The following ACTR3C variants were observed in gnomAD, a reference collection of about 807,000 sequenced individuals.
ACTR3C encodes actin-related protein 3C.
A neutral mutation model predicts 26.3 loss-of-function variants in ACTR3C; 18 were observed. The observed-to-expected ratio is 0.68, with a 90% CI of 0.47 to 1.01. The LOEUF (loss-of-function observed/expected upper bound fraction) is 1.01, where lower values mean the gene tolerates loss of function less well. ACTR3C is among the 50% of genes least tolerant of loss of function. ACTR3C has a pLI of 0.00. For synonymous variants in ACTR3C, 55 were observed against 94.5 expected (o/e 0.58, Z 2.42); for missense variants, 184 against 250.7 (o/e 0.73, Z 1.80).
chr7:149,994,660 G>C, the ACTR3C span, among the ~76,000 whole-genome samples: 1 of 151,960 alleles, frequency 6.6e-6, no homozygotes, highest in Non-Finnish European at 1.5e-5. Flanking sequence ...AATGTGTAAA[G>C]GCCCATCACC....
At chr7:150,076,008 G>A in the ACTR3C span, among the ~76,000 whole-genome samples, 3 of 152,090 alleles carry the variant, frequency 2.0e-5, no homozygotes, top group South Asian at 2.1e-4. Flanking sequence ...ACATATGCAC[G>A]TTAAAGGGAT....
At chr7:150,306,030 C>T (rs557306547) in intron 1 of ACTR3C, among the ~76,000 whole-genome samples, 1 of 152,300 alleles carries the variant, frequency 6.6e-6, no homozygotes, top group East Asian at 1.9e-4. Context: ...CTCATCACTT[C>T]CTCAACCACA....
At chr7:149,965,494 T>C in the ACTR3C span, among the ~76,000 whole-genome samples, 3 of 147,048 alleles carry the variant, frequency 2.0e-5, no homozygotes, top group African/African-American at 7.6e-5. Flanking sequence ...GAGCCTCTAC[T>C]TCTTTAGCAA....
the ACTR3C span, among the ~76,000 whole-genome samples, chr7:150,058,070 A>T: frequency 1.3e-5 from 2 of 152,126 alleles, no homozygotes; most frequent in South Asian, 2.1e-4. Context: ...ATGTCACCTT[A>T]TCATTTCCCT....
At chr7:150,035,764 C>G in the ACTR3C span, among the ~76,000 whole-genome samples, 5 of 140,066 alleles carry the variant, frequency 3.6e-5, 2 homozygotes, top group Non-Finnish European at 8.1e-5. Flanking sequence ...GGTGCGTCCC[C>G]CCTCTGCGAT....
the ACTR3C span, among the ~76,000 whole-genome samples, chr7:149,991,198 A>G: frequency 2.0e-5 from 3 of 152,164 alleles, no homozygotes; most frequent in Admixed American, 1.3e-4. Context: ...TGTAAGCCCT[A>G]TTCATTCTCA....
At chr7:150,194,491 T>C in the ACTR3C span, among the ~76,000 whole-genome samples, 4 of 149,682 alleles carry the variant, frequency 2.7e-5, no homozygotes, top group Non-Finnish European at 6.0e-5. Context: ...AAAGAGCTTA[T>C]AGTTTTTTCT....
At chr7:149,973,642 CA>C in the ACTR3C span, among the ~76,000 whole-genome samples, 3 of 151,984 alleles carry the variant, frequency 2.0e-5, no homozygotes, top group African/African-American at 7.3e-5. Context: ...TGGTCAAACA[CA>C]AAAGTCTTTG....
chr7:150,249,847 C>A (rs1402550173), intron 6 of ACTR3C, among the ~76,000 whole-genome samples: 4 of 152,178 alleles, frequency 2.6e-5, no homozygotes, highest in Non-Finnish European at 1.5e-5. Flanking sequence ...AGAAGAAATA[C>A]CTGAGACATG....
At chr7:150,160,898 A>G in the ACTR3C span, among the ~76,000 whole-genome samples, 1 of 146,796 alleles carries the variant, frequency 6.8e-6, no homozygotes, top group Non-Finnish European at 1.5e-5. Flanking sequence ...AATTCAGAGA[A>G]GGCAGAGAAA....
the ACTR3C span, among the ~76,000 whole-genome samples, chr7:150,058,382 C>A: frequency 3.9e-5 from 6 of 152,266 alleles, no homozygotes; most frequent in Non-Finnish European, 8.8e-5. Context: ...CACCCATATC[C>A]CTTCTCACTT....
Position 150,303,280 on chromosome 7 carries a change from G to A in ACTR3C, c.-51-7933C>T, listed in dbSNP as rs567596659. On this transcript the variant is annotated intron_variant, in intron 1 of 7. Coordinates refer to ENST00000683684, the MANE Select transcript of ACTR3C (RefSeq NM_001164458.2). ...CCCTCCTCCTTCCTGGAACACAGAG[G>A]TGATAGCTGGAGGTGCAGTAATCAA... is the stretch of plus-strand genomic sequence containing the variant. Among the ~76,000 whole-genome samples the A allele has an allele frequency of 2.0e-5, 3 of 152,286 alleles. No individual in the cohort carries two copies. In the South Asian group the frequency reaches 6.2e-4, roughly 32 times the overall value.
At chr7:150,199,033 C>T in the ACTR3C span, among the ~76,000 whole-genome samples, 677 of 145,044 alleles carry the variant, frequency 4.7e-3, 6 homozygotes, top group African/African-American at 0.018. Context: ...AGGTGAGGGG[C>T]GCCTCTGCCC....
chr7:149,967,896 G>T, the ACTR3C span, among the ~76,000 whole-genome samples: 1 of 152,016 alleles, frequency 6.6e-6, no homozygotes, highest in Non-Finnish European at 1.5e-5. Flanking sequence ...TGTGTCGGGG[G>T]GTGGCGGGTT....
chr7:150,308,207 C>T (rs1173748287), intron 1 of ACTR3C, among the ~76,000 whole-genome samples: 2 of 152,088 alleles, frequency 1.3e-5, no homozygotes, highest in East Asian at 1.9e-4. Context: ...GTCTCTACCC[C>T]CTCTTTTCTT....
the ACTR3C span, among the ~76,000 whole-genome samples, chr7:150,109,055 A>G: frequency 7.0e-4 from 107 of 152,044 alleles, 3 homozygotes; most frequent in Non-Finnish European, 1.4e-3. Context: ...CACCTGCAGG[A>G]TTGGACAAAG....
At chr7:149,925,406 G>T in the ACTR3C span, among the ~76,000 whole-genome samples, 5 of 152,254 alleles carry the variant, frequency 3.3e-5, no homozygotes, top group African/African-American at 1.2e-4. Flanking sequence ...AAACACATGG[G>T]AAAGCCCTAA....
At chr7:149,943,689 C>T in the ACTR3C span, among the ~76,000 whole-genome samples, 1 of 151,970 alleles carries the variant, frequency 6.6e-6, no homozygotes, top group Admixed American at 6.6e-5. Flanking sequence ...CCAGCCTGGG[C>T]AAGCAAAACT....
At chr7:150,041,538 C>T in the ACTR3C span, 3,367 of 189,646 alleles carry the variant, frequency 0.018, 127 homozygotes, top group African/African-American at 0.1. Flanking sequence ...TCTCAGTCCC[C>T]GCCTCGCGGG....
Sources: gnomAD v4.1 joint callset for allele counts (sites outside exome capture counted in the v4.1 genomes callset) on GRCh38, gnomAD v4.1.1 for gene constraint, MANE v1.5 for transcripts, NCBI Gene and HGNC (gene_info 2026-07-23, HGNC 2026-07-21) for gene names.